The following PKD1L1 variants were observed in gnomAD, a reference collection of about 807,000 sequenced individuals.
PKD1L1 encodes the protein polycystin 1 like 1, transient receptor potential channel interacting.
In PKD1L1, 236 loss-of-function variants were observed where a neutral mutation model predicts 323.4. The observed-to-expected ratio is 0.73, with a 90% CI of 0.66 to 0.81. The LOEUF (loss-of-function observed/expected upper bound fraction) is 0.81, where lower values mean the gene tolerates loss of function less well. PKD1L1 is among the 40% of genes least tolerant of loss of function. The probability of loss-of-function intolerance (pLI) is 0.00; values close to 1 mark genes in which losing one functional copy is unlikely to be tolerated. For synonymous variants in PKD1L1, 1,344 were observed against 1,335.0 expected (o/e 1.01, Z -0.15); for missense variants, 3,320 against 3,508.0 (o/e 0.95, Z 1.35).
chr7:47,832,164 A>G (rs926187670), intron 41 of PKD1L1, among the ~76,000 whole-genome samples: 2 of 152,204 alleles, frequency 1.3e-5, no homozygotes, highest in African/African-American at 4.8e-5. Context: ...GGCTGAACAT[A>G]AATCAAAGAA....
At chr7:47,837,307 G>C (rs1219439942) in intron 36 of PKD1L1, among the ~76,000 whole-genome samples, 1 of 152,148 alleles carries the variant, frequency 6.6e-6, no homozygotes, top group Non-Finnish European at 1.5e-5. Context: ...CTGGTTAGCT[G>C]GGTACTAGGT....
intron 46 of PKD1L1, among the ~76,000 whole-genome samples, chr7:47,817,865 G>A (rs1785053822): frequency 6.6e-6 from 1 of 151,888 alleles, no homozygotes; most frequent in Non-Finnish European, 1.5e-5. Flanking sequence ...GCAAGGCTCT[G>A]TCTCAAAAAA....
At chr7:47,801,163 C>G (rs529459181) in intron 53 of PKD1L1, among the ~76,000 whole-genome samples, 4 of 152,242 alleles carry the variant, frequency 2.6e-5, no homozygotes, top group African/African-American at 9.6e-5. Flanking sequence ...CCTCAGCTGC[C>G]TCCTCTGCCT....
intron 54 of PKD1L1, 76 bp downstream of exon 54, chr7:47,800,573 G>A: frequency 6.9e-7 from 1 of 1,447,118 alleles, no homozygotes; most frequent in Non-Finnish European, 9.6e-7. Context: ...CTGTCCACAT[G>A]GACCAGAGTT....
intron 4 of PKD1L1, among the ~76,000 whole-genome samples, chr7:47,936,576 A>C (rs1285053097): frequency 6.6e-6 from 1 of 152,182 alleles, no homozygotes; most frequent in East Asian, 1.9e-4. Flanking sequence ...TCCTTCCCAG[A>C]TTTCAAAATA....
chr7:47,839,546 C>A lies in PKD1L1; in HGVS notation c.5669G>T (p.Gly1890Val). 6.2e-7 allele frequency: 1 copy of A among 1,609,996 alleles called. No individual in the cohort carries two copies. The highest frequency in any genetic ancestry group is 8.5e-7 in the Non-Finnish European group (1 of 1,178,598). Residue 1890 changes from glycine (G) to valine (V), a missense_variant, in exon 36 of 57, where the codon GGC becomes GTC. By Grantham distance (109) the Gly-to-Val change is moderately radical. Transcript: ENST00000289672. The surrounding 1 kb of genome is among the most constrained non-coding windows in gnomAD (Gnocchi z 4.3). ...CCAGCACTGGGCAGGGAAGAACCAG[C>A]CCTGTCCCGTGTGCAGCTCCTTCAC... is the stretch of plus-strand genomic sequence containing the variant. ...VMVKELHTGQ[G>V]WFFPAQCWLS...
chr7:47,854,889 G>A lies in PKD1L1; in HGVS notation c.4852C>T (p.Leu1618=). The A allele has an allele frequency of 6.2e-7, 1 of 1,613,996 alleles. No homozygotes were observed. The highest frequency in any genetic ancestry group is 8.5e-7 in the Non-Finnish European group (1 of 1,179,968). ...CTGTCACCATCAACACACCTTACTA[G>A]CAACATGACGGGAAATGCCCTTGTA... ...PVTRAFPVML[L]VRFSEKPTPS... Residue 1618 remains leucine, a synonymous_variant, in exon 30 of 57, where the codon CTA becomes TTA. Transcript: ENST00000289672.
chr7:47,848,207 C>T (rs935638982), intron 31 of PKD1L1, among the ~76,000 whole-genome samples: 1 of 152,080 alleles, frequency 6.6e-6, no homozygotes. Flanking sequence ...CAGGAACAGC[C>T]TATCTAGGAA....
intron 36 of PKD1L1, among the ~76,000 whole-genome samples, 197 bp from the exon 37 acceptor site, chr7:47,837,291 T>G (rs1216157025): frequency 6.6e-6 from 1 of 152,192 alleles, no homozygotes; most frequent in Non-Finnish European, 1.5e-5. Context: ...GGCTCTGCTA[T>G]CCTGGCTGGT....
At chr7:47,896,557 ATTTTAT>A (rs1158047861) in intron 14 of PKD1L1, among the ~76,000 whole-genome samples, 1 of 151,406 alleles carries the variant, frequency 6.6e-6, no homozygotes, top group Non-Finnish European at 1.5e-5. Context: ...GGGACTTAGG[ATTTTAT>A]TTTTAGTTTA....
the PKD1L1 span, among the ~76,000 whole-genome samples, chr7:47,957,858 A>T: frequency 4.2e-5 from 2 of 48,080 alleles, no homozygotes; most frequent in Non-Finnish European, 5.6e-5. Flanking sequence ...TACAATTAAA[A>T]AAAAATATAT....
chr7:47,893,641 C>T (rs1239449816), intron 15 of PKD1L1, among the ~76,000 whole-genome samples: 2 of 152,186 alleles, frequency 1.3e-5, no homozygotes, highest in African/African-American at 4.8e-5. Flanking sequence ...GACACTCAAG[C>T]CTCATGTTCC....
At chr7:47,865,114 G>A in intron 26 of PKD1L1, 102 bp downstream of exon 26, 1 of 787,730 alleles carries the variant, frequency 1.3e-6, no homozygotes, top group Admixed American at 2.7e-5. Flanking sequence ...TCTAATCTAA[G>A]TGTCAAACTA....
intron 11 of PKD1L1, 55 bp downstream of exon 11, chr7:47,905,102 T>A: frequency 6.4e-7 from 1 of 1,551,802 alleles, no homozygotes; most frequent in Non-Finnish European, 8.7e-7. Context: ...ATCTTCAGAC[T>A]GAGTATAGGC....
chr7:47,852,037 T>C (rs1291310090), intron 31 of PKD1L1, among the ~76,000 whole-genome samples: 1 of 152,208 alleles, frequency 6.6e-6, no homozygotes, highest in African/African-American at 2.4e-5. Flanking sequence ...CTTTTCCTTA[T>C]GATAATGTAC....
chr7:47,815,854 G>GA (rs57176785), intron 46 of PKD1L1, among the ~76,000 whole-genome samples: 8 of 149,918 alleles, frequency 5.3e-5, no homozygotes, highest in Admixed American at 1.3e-4. Flanking sequence ...TATGAAGGAG[G>GA]AAAAAAAAAA....
In PKD1L1 at chr7:47,833,116, C is replaced by T. The variant is rs1216301071; in HGVS notation, c.6311G>A (p.Ser2104Asn). 1 of 1,611,878 alleles carries T rather than the reference C, an allele frequency of 6.2e-7. No individual in the cohort carries two copies. The highest frequency in any genetic ancestry group is 8.5e-7 in the Non-Finnish European group (1 of 1,179,112). Reference sequence around the variant, plus strand: ...TTGAGTGTGGGGAGGGCAGCAGTGGCTTTTCCCCATCAGAGAAGTCCTGCT... The same window carrying T: ...TTGAGTGTGGGGAGGGCAGCAGTGGTTTTTCCCCATCAGAGAAGTCCTGCT... ...DHSRTSLMGK[S>N]HCCPPHTQAP... The change falls in exon 41 of 57, where the codon AGC becomes AAC. Residue 2104 changes from serine to asparagine, a missense_variant. Physicochemically the swap from Ser to Asn is conservative, Grantham distance 46. Coordinates refer to ENST00000289672, the MANE Select transcript of PKD1L1 (RefSeq NM_138295.5).
chr7:47,910,842 G>A (rs925189985), intron 8 of PKD1L1, among the ~76,000 whole-genome samples: 5 of 150,350 alleles, frequency 3.3e-5, no homozygotes, highest in Non-Finnish European at 7.4e-5. Flanking sequence ...GTGTGTGTGT[G>A]TGTGTGTGTG....
intron 8 of PKD1L1, among the ~76,000 whole-genome samples, chr7:47,909,934 G>A (rs1001039113): frequency 1.3e-5 from 2 of 152,144 alleles, no homozygotes; most frequent in Admixed American, 6.5e-5. Flanking sequence ...GAAGGGCATC[G>A]TACTCTAAGC....
Sources: allele counts gnomAD v4.1 joint callset (sites outside exome capture counted in the v4.1 genomes callset), GRCh38; gene constraint gnomAD v4.1.1; non-coding constraint Gnocchi (gnomAD v3.1); transcripts MANE v1.5; gene names NCBI Gene and HGNC (gene_info 2026-07-23, HGNC 2026-07-21).